Variants in PLXND1 observed in about 807,000 individuals in gnomAD.
PLXND1 encodes the protein plexin-D1.
Under a neutral mutation model 197.7 loss-of-function variants are expected in PLXND1, and 54 were observed. The observed-to-expected ratio is 0.27, with a 90% CI of 0.22 to 0.34. PLXND1 has a LOEUF of 0.34. Among genes scored for constraint, PLXND1 ranks in the 10% least tolerant of loss-of-function variants. PLXND1 has a pLI of 1.00. For synonymous variants in PLXND1, 1,180 were observed against 1,161.2 expected, an observed-to-expected ratio of 1.02 and a Z score of -0.33; for missense variants, 2,127 against 2,699.2, an observed-to-expected ratio of 0.79 and a Z score of 4.70.
At chr3:129,588,480 C>A (rs911390039) in intron 2 of PLXND1, among the ~76,000 whole-genome samples, 1 of 152,200 alleles carries the variant, frequency 6.6e-6, no homozygotes, top group Non-Finnish European at 1.5e-5. Context: ...ATGTGAGTAT[C>A]TGACCCCAAA....
At chr3:129,602,887 T>A (rs892337201) in intron 1 of PLXND1, among the ~76,000 whole-genome samples, 1 of 152,190 alleles carries the variant, frequency 6.6e-6, no homozygotes, top group African/African-American at 2.4e-5. Flanking sequence ...ACTTCACAGA[T>A]GAAGAAACTG....
At chr3:129,562,996 T>C in intron 26 of PLXND1, 53 bp from the exon 27 acceptor site, 1 of 1,606,626 alleles carries the variant, frequency 6.2e-7, no homozygotes, top group Non-Finnish European at 8.5e-7. Context: ...CATCACTATG[T>C]CAGTGCCCAG....
intron 1 of PLXND1, among the ~76,000 whole-genome samples, chr3:129,605,093 T>A (rs1243737704): frequency 2.6e-5 from 4 of 152,150 alleles, no homozygotes; most frequent in Non-Finnish European, 5.9e-5. Context: ...TGCGCGCCCA[T>A]GAGCCGGCAC....
chr3:129,555,793 C>A lies in PLXND1; in HGVS notation c.*519G>T. ...AAAATCTGACACTACTTGAAACTGTCTGTGGCCAGGATCCTCTACGGGTGA... is the reference window on the plus strand; with the variant it reads ...AAAATCTGACACTACTTGAAACTGTATGTGGCCAGGATCCTCTACGGGTGA... On this transcript the variant is annotated 3_prime_UTR_variant, in exon 36 of 36. Transcript: ENST00000324093. 1 of 444,514 alleles carries A rather than the reference C, an allele frequency of 2.2e-6. No individual in the cohort carries two copies. Among genetic ancestry groups the A allele is most frequent in the Non-Finnish European group, 3.9e-6 (1 of 253,280 alleles). The allele number at this position is 444,514 out of a possible 1,614,324, so 27.5% of individuals were successfully genotyped here.
chr3:129,567,420 C>T, intron 22 of PLXND1, 72 bp downstream of exon 22: 1 of 871,556 alleles, frequency 1.1e-6, no homozygotes, highest in Non-Finnish European at 1.9e-6. Context: ...TATAGGCTGG[C>T]AGGGCTCAGA....
intron 8 of PLXND1, among the ~76,000 whole-genome samples, chr3:129,580,682 CA>C (rs1211809790): frequency 6.6e-6 from 1 of 152,082 alleles, no homozygotes; most frequent in Non-Finnish European, 1.5e-5. Flanking sequence ...TGCTCACCCC[CA>C]TTCTAGAGAA....
intron 1 of PLXND1, among the ~76,000 whole-genome samples, chr3:129,595,350 T>C (rs1414448229): frequency 6.6e-6 from 1 of 152,210 alleles, no homozygotes; most frequent in East Asian, 1.9e-4. Flanking sequence ...CAGGACGGAC[T>C]CGGTCCTGGG....
rs767180864 is a variant in PLXND1 at position 129,605,791 on chromosome 3, G to T, written c.849C>A (p.Phe283Leu). 2 of 1,594,198 alleles carry T rather than the reference G, an allele frequency of 1.3e-6. No homozygotes were observed. The highest frequency in any genetic ancestry group is 3.5e-5 in the Admixed American group (2 of 56,732). Residue 283 changes from phenylalanine (F) to leucine (L), a missense_variant, in exon 1 of 36, where the codon TTC becomes TTA. Phe to Leu is a conservative substitution (Grantham distance 22). Transcript: ENST00000324093. Reference protein sequence around the residue: ...EQHKLGFVSAFLHPSDPPPGA... With the variant: ...EQHKLGFVSALLHPSDPPPGA... ...CCGGCGGCGGGTCGGACGGGTGCAG[G>T]AAGGCGCTCACGAAGCCCAGCTTGT...
intron 1 of PLXND1, among the ~76,000 whole-genome samples, chr3:129,597,559 G>A (rs560915375): frequency 3.9e-4 from 59 of 152,236 alleles, no homozygotes; most frequent in African/African-American, 1.3e-3. Context: ...GCCGGGACTC[G>A]TAATGGAGCT....
rs746800315 is a variant in PLXND1 at position 129,586,293 on chromosome 3, C to T, written c.1621-21G>A. On this transcript the variant is annotated intron_variant, in intron 3 of 35. Transcript: ENST00000324093. The stretch of plus-strand genomic sequence containing the variant: ...GCCATCTGGGGGCAGAGGTGGGGGC[C>T]CAGCTCAATGGGACTGCCAGCCTCT... 1.8e-5 allele frequency: 27 copies of T among 1,525,762 alleles called. No individual in the cohort carries two copies. The South Asian group carries it at 3.1e-4, about 17-fold the overall frequency. The allele number at this position is 1,525,762 out of a possible 1,614,324, so 94.5% of individuals were successfully genotyped here.
chr3:129,576,900 A>G (rs1001636272), intron 9 of PLXND1, among the ~76,000 whole-genome samples: 1 of 152,144 alleles, frequency 6.6e-6, no homozygotes, highest in Non-Finnish European at 1.5e-5. Flanking sequence ...GCACCAATAC[A>G]TATTTGCTGA....
At position 129,561,917 on chromosome 3, in the gene PLXND1, G is replaced by A; in HGVS notation, c.4826-14C>T. 2 of 1,596,308 alleles carry A rather than the reference G, an allele frequency of 1.3e-6. No individual in the cohort carries two copies. Among genetic ancestry groups the A allele is most frequent in the South Asian group, 1.1e-5 (1 of 90,694 alleles). On this transcript the variant is annotated splice_polypyrimidine_tract_variant and intron_variant, in intron 27 of 35. Coordinates refer to ENST00000324093, the MANE Select transcript of PLXND1 (RefSeq NM_015103.3). ...AGGCGAACCACTCTGGGGGACAAGG[G>A]ACAGGCCATCAGGGTCCGGGCAGGG...
chr3:129,570,727 T>C, intron 19 of PLXND1, 59 bp downstream of exon 19: 2 of 1,555,432 alleles, frequency 1.3e-6, no homozygotes, highest in Non-Finnish European at 1.8e-6. Flanking sequence ...GGCAGATGCT[T>C]GGCAGATGGG....
At chr3:129,563,676 C>T (rs978190677) in intron 25 of PLXND1, among the ~76,000 whole-genome samples, 1 of 152,152 alleles carries the variant, frequency 6.6e-6, no homozygotes, top group Admixed American at 6.5e-5. Flanking sequence ...TGGCCTCGAC[C>T]CCACTTGCAG....
intron 22 of PLXND1, 144 bp downstream of exon 22, chr3:129,567,348 C>A: frequency 1.6e-6 from 1 of 624,994 alleles, no homozygotes; most frequent in South Asian, 1.9e-5. Context: ...CGTGGCAGGC[C>A]AGGGCAAGTG....
At chr3:129,592,122 C>T (rs2085552116) in intron 1 of PLXND1, among the ~76,000 whole-genome samples, 1 of 152,146 alleles carries the variant, frequency 6.6e-6, no homozygotes. Context: ...CCGAGAGCTG[C>T]ATCATTGGCA....
At chr3:129,580,181 A>G (rs1379044470) in intron 8 of PLXND1, among the ~76,000 whole-genome samples, 7 of 152,164 alleles carry the variant, frequency 4.6e-5, no homozygotes, top group Admixed American at 4.6e-4. Flanking sequence ...TTTGCTGACC[A>G]CGAGACCAGA....
intron 27 of PLXND1, among the ~76,000 whole-genome samples, 153 bp from the exon 28 acceptor site, chr3:129,562,056 T>C (rs1482931641): frequency 1.3e-5 from 2 of 151,782 alleles, no homozygotes; most frequent in Non-Finnish European, 2.9e-5. Context: ...TTCCCATCTG[T>C]AAAATGGGGA....
chr3:129,587,597 C>T (rs185538438), intron 2 of PLXND1, among the ~76,000 whole-genome samples: 2 of 152,316 alleles, frequency 1.3e-5, no homozygotes, highest in Admixed American at 1.3e-4. Flanking sequence ...CCGGACACCT[C>T]CCAGGCCAGT....
Sources: gnomAD v4.1 joint callset for allele counts (sites outside exome capture counted in the v4.1 genomes callset) on GRCh38, gnomAD v4.1.1 for gene constraint, MANE v1.5 for transcripts, NCBI Gene and HGNC (gene_info 2026-07-23, HGNC 2026-07-21) for gene names.